CAMKMT: variants seen among roughly 807,000 people sequenced by gnomAD.
The protein encoded by CAMKMT is CaM KMT.
CAMKMT carries 53 observed loss-of-function variants against 48.0 expected under a neutral mutation model. The observed-to-expected ratio is 1.10, with a 90% CI of 0.89 to 1.39. The LOEUF (loss-of-function observed/expected upper bound fraction) is 1.39. CAMKMT is among the 40% of genes most tolerant of loss of function. CAMKMT has a pLI of 0.00. For synonymous variants in CAMKMT, 165 were observed against 152.3 expected, an observed-to-expected ratio of 1.08 and a Z score of -0.61; for missense variants, 428 against 402.7, an observed-to-expected ratio of 1.06 and a Z score of -0.54.
At chr2:44,652,317 A>C (rs1215042268) in intron 3 of CAMKMT, among the ~76,000 whole-genome samples, 1 of 152,164 alleles carries the variant, frequency 6.6e-6, no homozygotes, top group Non-Finnish European at 1.5e-5. Flanking sequence ...TCTCAGAGTC[A>C]GAGTTTATGA....
intron 3 of CAMKMT, among the ~76,000 whole-genome samples, chr2:44,565,991 G>T (rs1668595323): frequency 6.7e-6 from 1 of 149,674 alleles, no homozygotes; most frequent in Admixed American, 6.7e-5. Flanking sequence ...GTAAATCTGT[G>T]GGGTAAATTA....
At chr2:44,652,252 C>G (rs1251459921) in intron 3 of CAMKMT, among the ~76,000 whole-genome samples, 1 of 152,186 alleles carries the variant, frequency 6.6e-6, no homozygotes. Flanking sequence ...GTAGTTGATA[C>G]TATTTTAGCA....
chr2:44,754,182 GGA>G, intron 9 of CAMKMT, 64 bp downstream of exon 9: 1 of 1,269,220 alleles, frequency 7.9e-7, no homozygotes, highest in Non-Finnish European at 1.1e-6. Flanking sequence ...GCACAAAGAT[GGA>G]GAGAGTAATG....
intron 4 of CAMKMT, among the ~76,000 whole-genome samples, chr2:44,704,797 C>T (rs144078978): frequency 6.6e-6 from 1 of 151,918 alleles, no homozygotes; most frequent in Non-Finnish European, 1.5e-5. Flanking sequence ...TGCCATCCCA[C>T]CCCTGGTTTT....
intron 3 of CAMKMT, among the ~76,000 whole-genome samples, chr2:44,623,449 A>G (rs1214092143): frequency 6.6e-6 from 1 of 152,082 alleles, no homozygotes; most frequent in Non-Finnish European, 1.5e-5. Context: ...TGAGATTTTT[A>G]TAGGTTGAGG....
At chr2:44,403,111 T>C (rs979061287) in intron 3 of CAMKMT, among the ~76,000 whole-genome samples, 31 of 152,176 alleles carry the variant, frequency 2.0e-4, no homozygotes, top group Admixed American at 1.4e-3. Context: ...GATGATCTGG[T>C]TGGGTTGATT....
chr2:44,637,971 A>T (rs552125120), intron 3 of CAMKMT, among the ~76,000 whole-genome samples: 42 of 151,546 alleles, frequency 2.8e-4, no homozygotes, highest in African/African-American at 1.0e-3. Flanking sequence ...AGGCTGAGGC[A>T]GGAGAATCGC....
At chr2:44,601,453 T>C (rs1670986184) in intron 3 of CAMKMT, among the ~76,000 whole-genome samples, 1 of 151,934 alleles carries the variant, frequency 6.6e-6, no homozygotes, top group Admixed American at 6.6e-5. Flanking sequence ...TGAAACTCTG[T>C]CTCAAAAAAA....
Position 44,536,479 on chromosome 2 carries a change from C to T in CAMKMT, c.376+146174C>T, listed in dbSNP as rs536475681. Among the ~76,000 whole-genome samples the T allele has an allele frequency of 2.0e-3, 304 of 151,826 alleles. No homozygotes were observed. The Middle Eastern group carries it at 0.027, about 14-fold the overall frequency. ...AGCTGGGATTATAGGTGCCCGCCAC[C>T]GTGCCCAGCTAATTTTTTTTGTATT... On this transcript the variant is annotated intron_variant, in intron 3 of 10. Transcript: ENST00000378494.
chr2:44,427,411 C>G (rs909946562), intron 3 of CAMKMT, among the ~76,000 whole-genome samples: 5 of 152,104 alleles, frequency 3.3e-5, no homozygotes, highest in African/African-American at 1.2e-4. Flanking sequence ...ACACATTTGA[C>G]AAAAGACTAG....
intron 2 of CAMKMT, among the ~76,000 whole-genome samples, chr2:44,375,826 C>T (rs1166243862): frequency 6.6e-6 from 1 of 151,746 alleles, no homozygotes; most frequent in East Asian, 1.9e-4. Context: ...CAATCTGTCA[C>T]CCAGGCTGGA....
chr2:44,418,251 T>A (rs1395967847), intron 3 of CAMKMT, among the ~76,000 whole-genome samples: 1 of 151,956 alleles, frequency 6.6e-6, no homozygotes, highest in Non-Finnish European at 1.5e-5. Flanking sequence ...ACAAGTCTTT[T>A]GTCAGGCATG....
intron 3 of CAMKMT, among the ~76,000 whole-genome samples, chr2:44,450,487 A>C (rs2104589168): frequency 6.6e-6 from 1 of 152,268 alleles, no homozygotes; most frequent in Admixed American, 6.5e-5. Flanking sequence ...ACAAACCTTA[A>C]AAGGGGTTAT....
At chr2:44,394,348 A>G (rs1681622261) in intron 3 of CAMKMT, among the ~76,000 whole-genome samples, 1 of 151,836 alleles carries the variant, frequency 6.6e-6, no homozygotes, top group Non-Finnish European at 1.5e-5. Context: ...TCCTGGAGGA[A>G]TTTGTAGACC....
At chr2:44,418,221 G>A (rs1248432539) in intron 3 of CAMKMT, among the ~76,000 whole-genome samples, 5 of 150,358 alleles carry the variant, frequency 3.3e-5, no homozygotes, top group African/African-American at 1.2e-4. Flanking sequence ...AATTGTAAGA[G>A]CTTATTATAT....
intron 3 of CAMKMT, among the ~76,000 whole-genome samples, chr2:44,481,155 G>T (rs1668946861): frequency 6.6e-6 from 1 of 152,042 alleles, no homozygotes; most frequent in Admixed American, 6.6e-5. Context: ...AAAAAAGTTT[G>T]CTGGGAACCT....
intron 3 of CAMKMT, among the ~76,000 whole-genome samples, chr2:44,436,327 C>T (rs566357165): frequency 4.6e-5 from 7 of 152,242 alleles, no homozygotes; most frequent in African/African-American, 9.6e-5. Context: ...ATCTGCCCAC[C>T]TCAGCCTCCC....
intron 3 of CAMKMT, among the ~76,000 whole-genome samples, chr2:44,647,610 ATATTGAAAC>A (rs2104022372): frequency 6.6e-6 from 1 of 152,082 alleles, no homozygotes; most frequent in South Asian, 2.1e-4. Flanking sequence ...AAATTTGTGA[ATATTGAAAC>A]TATGGGCCGG....
intron 3 of CAMKMT, among the ~76,000 whole-genome samples, chr2:44,582,303 A>G (rs1212245701): frequency 6.6e-6 from 1 of 152,266 alleles, no homozygotes; most frequent in Non-Finnish European, 1.5e-5. Context: ...AAAAGAAAAG[A>G]GCATAAAAAG....
Sources: allele counts gnomAD v4.1 joint callset (sites outside exome capture counted in the v4.1 genomes callset), GRCh38; gene constraint gnomAD v4.1.1; transcripts MANE v1.5; gene names NCBI Gene and HGNC (gene_info 2026-07-23, HGNC 2026-07-21).